The following CEP19 variants were observed in gnomAD, a reference collection of about 807,000 sequenced individuals.
CEP19 encodes centrosomal protein 19.
In CEP19, 14 loss-of-function variants were observed where a neutral mutation model predicts 17.5. That is an observed-to-expected ratio of 0.80 (90% CI 0.53 to 1.25). The LOEUF is 1.25. CEP19 is among the 50% of genes most tolerant of loss of function. The probability of loss-of-function intolerance (pLI) is 0.00; values close to 1 mark genes in which losing one functional copy is unlikely to be tolerated. For missense variants in CEP19, 193 were observed against 192.0 expected, an observed-to-expected ratio of 1.01 and a Z score of -0.03; for synonymous variants, 59 against 65.5, an observed-to-expected ratio of 0.90 and a Z score of 0.48.
At position 196,708,518 on chromosome 3, in the gene CEP19, C is replaced by T. The variant is rs757829881; in HGVS notation, c.130+10G>A. On this transcript the variant is annotated intron_variant, in intron 2 of 2. Coordinates refer to ENST00000409690, the MANE Select transcript of CEP19 (RefSeq NM_032898.5). ...ATTTAAGACAGGAGGCAAGATAAGA[C>T]ATGAGGTACCTGAAAACTTTGAAAA... 2.5e-6 allele frequency: 4 copies of T among 1,613,670 alleles called. No individual in the cohort carries two copies. Among genetic ancestry groups the T allele is most frequent in the Non-Finnish European group, 3.4e-6 (4 of 1,179,624 alleles).
chr3:196,708,277 T>C (rs1267434229), intron 2 of CEP19, among the ~76,000 whole-genome samples: 2 of 152,174 alleles, frequency 1.3e-5, no homozygotes, highest in Non-Finnish European at 2.9e-5. Flanking sequence ...AAAAAACATT[T>C]GGAATGAGAG....
At position 196,712,126 on chromosome 3, in the gene CEP19, G is replaced by A. The variant is rs1239461434; in HGVS notation, c.-268C>T. 8.2e-6 allele frequency: 5 copies of A among 606,920 alleles called. No homozygotes were observed. The highest frequency in any genetic ancestry group is 5.6e-5 in the East Asian group (2 of 35,766). 37.6% of individuals were successfully genotyped at this position (606,920 alleles called of 1,614,324 possible). A position where few individuals can be genotyped will look rare whatever the true frequency, so the allele number is the denominator to read the frequency against. ...GGGTGAACTCCCCGGCGGGAGGCCCGAACCCTCAAACACCGGGAAGCGGAG... is the reference window on the plus strand; with the variant it reads ...GGGTGAACTCCCCGGCGGGAGGCCCAAACCCTCAAACACCGGGAAGCGGAG... On this transcript the variant is annotated 5_prime_UTR_variant, in exon 1 of 3. Coordinates refer to ENST00000409690, the MANE Select transcript of CEP19 (RefSeq NM_032898.5).
At chr3:196,708,883 T>G in intron 1 of CEP19, 156 bp from the exon 2 acceptor site, 1 of 520,970 alleles carries the variant, frequency 1.9e-6, no homozygotes, top group Non-Finnish European at 3.4e-6. Context: ...CTTCATGAAT[T>G]TGTGTGTCAT....
chr3:196,708,301 T>A (rs990507516), intron 2 of CEP19, among the ~76,000 whole-genome samples: 4 of 152,206 alleles, frequency 2.6e-5, no homozygotes, highest in African/African-American at 7.2e-5. Context: ...GGAATTAATA[T>A]TATTGAATAA....
chr3:196,708,526 A>C lies in CEP19; in HGVS notation c.130+2T>G. The C allele has an allele frequency of 6.2e-7, 1 of 1,613,948 alleles. No homozygotes were observed. Among genetic ancestry groups the C allele is most frequent in the Non-Finnish European group, 8.5e-7 (1 of 1,179,832 alleles). On this transcript the variant is annotated splice_donor_variant, in intron 2 of 2. Coordinates refer to ENST00000409690, the MANE Select transcript of CEP19 (RefSeq NM_032898.5). LOFTEE classifies it high-confidence loss of function. Reference sequence around the variant, plus strand: ...CAGGAGGCAAGATAAGACATGAGGTACCTGAAAACTTTGAAAAGTTTCGAA... The same window carrying C: ...CAGGAGGCAAGATAAGACATGAGGTCCCTGAAAACTTTGAAAAGTTTCGAA...
chr3:196,709,942 A>C (rs992153185), intron 1 of CEP19, among the ~76,000 whole-genome samples: 3 of 152,180 alleles, frequency 2.0e-5, no homozygotes, highest in African/African-American at 7.2e-5. Context: ...TTAAATACTT[A>C]GCAGTGATTA....
chr3:196,707,528 A>G lies in CEP19; in HGVS notation c.*23T>C, dbSNP rs1042791107. On this transcript the variant is annotated 3_prime_UTR_variant, in exon 3 of 3. Transcript: ENST00000409690. Reference sequence around the variant, plus strand: ...TAAACATGGATATTCTGCTAGCCCAATGCATGTTTTGAGTGTTTGGTATCA... The same window carrying G: ...TAAACATGGATATTCTGCTAGCCCAGTGCATGTTTTGAGTGTTTGGTATCA... 1.2e-5 allele frequency: 19 copies of G among 1,578,812 alleles called. No individual in the cohort carries two copies. The highest frequency in any genetic ancestry group is 8.8e-5 in the Admixed American group (5 of 56,830).
In CEP19 at chr3:196,708,548, C is replaced by T. The variant is rs1711609964; in HGVS notation, c.110G>A (p.Arg37Gln). 3 of 1,614,092 alleles carry T rather than the reference C, an allele frequency of 1.9e-6. No individual in the cohort carries two copies. The highest frequency in any genetic ancestry group is 1.3e-5 in the African/African-American group (1 of 75,034). The change falls in exon 2 of 3, where the codon CGA becomes CAA. Residue 37 changes from arginine to glutamine, a missense_variant. Physicochemically the swap from Arg to Gln is conservative, Grantham distance 43 (BLOSUM62 1). Coordinates refer to ENST00000409690, the MANE Select transcript of CEP19 (RefSeq NM_032898.5). ...GGTACCTGAAAACTTTGAAAAGTTTCGAACTGGCATAATGCGCTGGCGAAT... is the reference window on the plus strand; with the variant it reads ...GGTACCTGAAAACTTTGAAAAGTTTTGAACTGGCATAATGCGCTGGCGAAT... ...GKIRQRIMPV[R>Q]NFSKFSDCTR...
chr3:196,707,807 C>T lies in CEP19; in HGVS notation c.236G>A (p.Gly79Asp), dbSNP rs748568940. The T allele has an allele frequency of 1.2e-6, 2 of 1,614,170 alleles. No individual in the cohort carries two copies. Among genetic ancestry groups the T allele is most frequent in the Admixed American group, 3.3e-5 (2 of 60,012 alleles). ...TGCCAGACTCTGCCCCGACAAGTAA[C>T]CTCGTAAAAAACTGAATAGCTTCTC... ...QLEKLFSFLR[G>D]YLSGQSLAET... Residue 79 changes from glycine (G) to aspartate (D), a missense_variant, in exon 3 of 3, where the codon GGT (glycine) becomes GAT (aspartate). Physicochemically the swap from Gly to Asp is moderately conservative, Grantham distance 94. Transcript: ENST00000409690.
Position 196,707,364 on chromosome 3 carries a change from T to C in CEP19, c.*187A>G. 1 of 638,396 alleles carries C rather than the reference T, an allele frequency of 1.6e-6. No homozygotes were observed. The highest frequency in any genetic ancestry group is 2.1e-5 in the South Asian group (1 of 47,658). 39.5% of individuals were successfully genotyped at this position (638,396 alleles called of 1,614,324 possible). A position where few individuals can be genotyped will look rare whatever the true frequency, so the allele number is the denominator to read the frequency against. On this transcript the variant is annotated 3_prime_UTR_variant, in exon 3 of 3. Coordinates refer to ENST00000409690, the MANE Select transcript of CEP19 (RefSeq NM_032898.5). Reference sequence around the variant, plus strand: ...AGCTCCTTAAAGGCAGATTCCTTTATTCTGTTTTTCCCATACTCCTCATGC... The same window carrying C: ...AGCTCCTTAAAGGCAGATTCCTTTACTCTGTTTTTCCCATACTCCTCATGC...
chr3:196,706,521 G>A lies in CEP19; in HGVS notation c.*1030C>T, dbSNP rs919673480. 2.6e-5 allele frequency: 4 copies of A among 152,220 alleles called. No individual in the cohort carries two copies. The highest frequency in any genetic ancestry group is 4.4e-5 in the Non-Finnish European group (3 of 68,012). 9.4% of individuals were successfully genotyped at this position (152,220 alleles called of 1,614,324 possible). A position where few individuals can be genotyped will look rare whatever the true frequency, so the allele number is the denominator to read the frequency against. ...TTTTATTTATGGGAAGAGGTTCAGC[G>A]TTTCGCAATGTCTTTAGTATGTATT... On this transcript the variant is annotated 3_prime_UTR_variant, in exon 3 of 3. Transcript: ENST00000409690.
chr3:196,711,833 G>A (rs748099635), intron 1 of CEP19, 96 bp downstream of exon 1: 166 of 705,868 alleles, frequency 2.4e-4, no homozygotes, highest in Non-Finnish European at 3.7e-4. Context: ...AATCTTGTTA[G>A]GAAGCCCCAC....
chr3:196,709,493 G>C (rs1560071606), intron 1 of CEP19, among the ~76,000 whole-genome samples: 1 of 152,180 alleles, frequency 6.6e-6, no homozygotes, highest in Middle Eastern at 3.2e-3. Context: ...TTAACATGAT[G>C]GTCCCTGTAC....
intron 2 of CEP19, among the ~76,000 whole-genome samples, 155 bp from the exon 3 acceptor site, chr3:196,708,067 T>C (rs1482502326): frequency 6.6e-6 from 1 of 152,236 alleles, no homozygotes; most frequent in Non-Finnish European, 1.5e-5. Flanking sequence ...TTGGAATGAA[T>C]TACTTTGTAG....
At chr3:196,709,752 T>C (rs1311619641) in intron 1 of CEP19, among the ~76,000 whole-genome samples, 1 of 152,222 alleles carries the variant, frequency 6.6e-6, no homozygotes, top group Non-Finnish European at 1.5e-5. Context: ...TCTCTCTTCC[T>C]TTCCCCACCC....
At chr3:196,707,946 G>A (rs765752616) in intron 2 of CEP19, 34 bp from the exon 3 acceptor site, 31 of 1,581,450 alleles carry the variant, frequency 2.0e-5, no homozygotes, top group East Asian at 6.7e-5. Context: ...TACCACATAC[G>A]TACCACGTAC....
chr3:196,711,834 G>C, intron 1 of CEP19, 95 bp downstream of exon 1: 1 of 705,950 alleles, frequency 1.4e-6, no homozygotes, highest in Non-Finnish European at 2.7e-6. Context: ...ATCTTGTTAG[G>C]AAGCCCCACA....
intron 1 of CEP19, 51 bp from the exon 2 acceptor site, chr3:196,708,778 G>T: frequency 1.0e-6 from 1 of 968,026 alleles, no homozygotes; most frequent in Non-Finnish European, 1.5e-6. Flanking sequence ...CATTCCCCTC[G>T]CCCCTTTGCC....
At chr3:196,710,500 G>C (rs577669150) in intron 1 of CEP19, among the ~76,000 whole-genome samples, 1 of 152,178 alleles carries the variant, frequency 6.6e-6, no homozygotes, top group East Asian at 1.9e-4. Flanking sequence ...AGCTGAGATG[G>C]TACCACTGCA....
Sources: gnomAD v4.1 joint callset for allele counts (sites outside exome capture counted in the v4.1 genomes callset) on GRCh38, gnomAD v4.1.1 for gene constraint, MANE v1.5 for transcripts, NCBI Gene and HGNC (gene_info 2026-07-23, HGNC 2026-07-21) for gene names.